Variants in HCRTR2 observed in about 807,000 individuals in gnomAD.
The protein encoded by HCRTR2 is hypocretin receptor 2, also known as orexin receptor type 2.
HCRTR2 carries 22 observed loss-of-function variants against 49.0 expected under a neutral mutation model. The ratio of observed to expected loss-of-function variants is 0.45; its 90% CI spans 0.32 to 0.64. HCRTR2 has a LOEUF of 0.64. HCRTR2 is among the 30% of genes least tolerant of loss of function. The probability of loss-of-function intolerance (pLI) is 0.04; values close to 1 mark genes in which losing one functional copy is unlikely to be tolerated. For missense variants in HCRTR2, 491 were observed against 559.4 expected (o/e 0.88, Z 1.23); for synonymous variants, 236 against 205.3 (o/e 1.15, Z -1.28).
At chr6:55,186,203 G>A (rs1009106587) in intron 1 of HCRTR2, among the ~76,000 whole-genome samples, 19 of 152,272 alleles carry the variant, frequency 1.2e-4, no homozygotes, top group East Asian at 1.9e-4. Context: ...CAGGAATACA[G>A]AATTTTTAGT....
chr6:55,227,633 A>C (rs1190167094), intron 1 of HCRTR2, among the ~76,000 whole-genome samples: 1 of 152,174 alleles, frequency 6.6e-6, no homozygotes, highest in Non-Finnish European at 1.5e-5. Flanking sequence ...ATTCCCATGA[A>C]AACTGTATCA....
At chr6:55,228,268 C>A (rs146844355) in intron 1 of HCRTR2, among the ~76,000 whole-genome samples, 6 of 151,962 alleles carry the variant, frequency 3.9e-5, no homozygotes, top group African/African-American at 1.5e-4. Context: ...ATTAATAAGA[C>A]TTACACAACA....
chr6:55,164,071 G>A (rs1482608817), intron 1 of HCRTR2, among the ~76,000 whole-genome samples: 1 of 152,132 alleles, frequency 6.6e-6, no homozygotes, highest in African/African-American at 2.4e-5. Flanking sequence ...AAACCACAGT[G>A]AGATACCATC....
intron 1 of HCRTR2, among the ~76,000 whole-genome samples, chr6:55,198,826 C>A (rs1036985746): frequency 3.9e-5 from 6 of 152,178 alleles, no homozygotes; most frequent in African/African-American, 1.4e-4. Context: ...ATTCCCTAGT[C>A]CCCATACTGC....
At chr6:55,245,469 T>TTATA (rs745939954) in intron 1 of HCRTR2, among the ~76,000 whole-genome samples, 2,195 of 56,560 alleles carry the variant, frequency 0.039, 46 homozygotes, top group East Asian at 0.078. Flanking sequence ...TAGGAAGATT[T>TTATA]TATATATATA....
At chr6:55,259,385 T>C (rs767297549) in intron 3 of HCRTR2, among the ~76,000 whole-genome samples, 12 of 152,116 alleles carry the variant, frequency 7.9e-5, no homozygotes, top group Non-Finnish European at 1.5e-4. Flanking sequence ...AAGATTCAGG[T>C]AAACTTAATG....
chr6:55,210,445 C>T (rs1331415606), intron 1 of HCRTR2, among the ~76,000 whole-genome samples: 1 of 151,960 alleles, frequency 6.6e-6, no homozygotes, highest in Non-Finnish European at 1.5e-5. Context: ...GGACATCTGG[C>T]CTGGGGCAAT....
intron 1 of HCRTR2, among the ~76,000 whole-genome samples, chr6:55,216,679 T>C (rs1053851032): frequency 2.0e-5 from 3 of 152,190 alleles, no homozygotes; most frequent in African/African-American, 7.2e-5. Flanking sequence ...CCCTATGGCT[T>C]TGCTGTGCTC....
intron 1 of HCRTR2, among the ~76,000 whole-genome samples, chr6:55,246,725 C>T (rs756865592): frequency 6.6e-6 from 1 of 152,054 alleles, no homozygotes; most frequent in Non-Finnish European, 1.5e-5. Context: ...GGCCCCTTAA[C>T]TTCTCTCTCC....
chr6:55,132,839 T>C (rs1442500879), intron 1 of HCRTR2, among the ~76,000 whole-genome samples: 1 of 151,606 alleles, frequency 6.6e-6, no homozygotes, highest in Non-Finnish European at 1.5e-5. Flanking sequence ...TAGATGGGGT[T>C]GATCTTCATG....
intron 1 of HCRTR2, among the ~76,000 whole-genome samples, chr6:55,123,062 C>T (rs1454016639): frequency 1.3e-5 from 2 of 151,522 alleles, no homozygotes; most frequent in African/African-American, 4.9e-5. Flanking sequence ...CACATATGTA[C>T]ATATGTAACA....
chr6:55,138,910 A>C (rs899364446), intron 1 of HCRTR2, among the ~76,000 whole-genome samples: 4 of 152,228 alleles, frequency 2.6e-5, no homozygotes, highest in African/African-American at 9.6e-5. Context: ...AAAGCACAGT[A>C]ACAGGACAGA....
At chr6:55,204,313 G>A (rs1765562301) in intron 1 of HCRTR2, among the ~76,000 whole-genome samples, 1 of 152,088 alleles carries the variant, frequency 6.6e-6, no homozygotes, top group African/African-American at 2.4e-5. Context: ...TCTGGATTAG[G>A]CTCAAGTTGC....
chr6:55,139,044 C>T lies in HCRTR2; in HGVS notation c.-378+32499C>T, dbSNP rs967876627. ...AAGTGTAAATTGGGAACACAAATTT[C>T]ATTTGTGTCTGGAAGGAGAAAGTTT... On this transcript the variant is annotated intron_variant, in intron 1 of 7. Transcript: ENST00000615358. 5.3e-5 allele frequency among the ~76,000 whole-genome samples: 8 copies of T among 152,096 alleles called. No individual in the cohort carries two copies. In the South Asian group the frequency reaches 8.3e-4, roughly 16 times the overall value.
chr6:55,117,818 C>T (rs1764139645), intron 1 of HCRTR2, among the ~76,000 whole-genome samples: 2 of 137,236 alleles, frequency 1.5e-5, no homozygotes, highest in Admixed American at 7.4e-5. Context: ...AACTGGAAAA[C>T]TTATCCTCTT....
At chr6:55,216,161 G>A (rs1428932271) in intron 1 of HCRTR2, among the ~76,000 whole-genome samples, 1 of 152,148 alleles carries the variant, frequency 6.6e-6, no homozygotes, top group African/African-American at 2.4e-5. Flanking sequence ...TGTGGGGAAA[G>A]CCCTCATGAC....
chr6:55,146,045 A>AT (rs1316005641), intron 1 of HCRTR2, among the ~76,000 whole-genome samples: 1 of 151,414 alleles, frequency 6.6e-6, no homozygotes, highest in Non-Finnish European at 1.5e-5. Flanking sequence ...TAATTTATTG[A>AT]TTTTCCAACC....
intron 1 of HCRTR2, among the ~76,000 whole-genome samples, chr6:55,169,485 T>C (rs1194836154): frequency 1.3e-5 from 2 of 151,076 alleles, no homozygotes; most frequent in Non-Finnish European, 3.0e-5. Flanking sequence ...CCACCGAGAG[T>C]GCGTACAGTG....
chr6:55,277,234 A>C, intron 4 of HCRTR2, 146 bp from the exon 5 acceptor site: 1 of 698,462 alleles, frequency 1.4e-6, no homozygotes, highest in Non-Finnish European at 2.6e-6. Flanking sequence ...TACTAAGGTC[A>C]GCAAATGCTC....
Sources: allele counts gnomAD v4.1 joint callset (sites outside exome capture counted in the v4.1 genomes callset), GRCh38; gene constraint gnomAD v4.1.1; transcripts MANE v1.5; gene names NCBI Gene and HGNC (gene_info 2026-07-23, HGNC 2026-07-21).